The following CHRNA6 variants were observed in gnomAD, a reference collection of about 807,000 sequenced individuals.
CHRNA6 encodes neuronal acetylcholine receptor subunit alpha-6.
A neutral mutation model predicts 40.9 loss-of-function variants in CHRNA6; 31 were observed. The observed-to-expected ratio is 0.76, with a 90% CI of 0.57 to 1.02. The LOEUF is 1.02. CHRNA6 is among the 50% of genes least tolerant of loss of function. The probability of loss-of-function intolerance (pLI) is 0.00; values close to 1 mark genes in which losing one functional copy is unlikely to be tolerated. For missense variants in CHRNA6, 546 were observed against 596.6 expected (o/e 0.92, Z 0.88); for synonymous variants, 222 against 221.3 (o/e 1.00, Z -0.03).
chr8:42,761,930 C>A (rs1284168152), intron 2 of CHRNA6, among the ~76,000 whole-genome samples: 1 of 152,234 alleles, frequency 6.6e-6, no homozygotes, highest in Non-Finnish European at 1.5e-5. Flanking sequence ...TACACCAAGG[C>A]TTTATCTTTG....
rs1258301917 is a variant in CHRNA6, at chr8:42,766,232, C to T, written c.80-1028G>A. On this transcript the variant is annotated intron_variant, in intron 1 of 5. Transcript: ENST00000276410. ...TATAAGCCAGGTGCGGTGGCTCACG[C>T]CTGTAATCTCAGCACTTTGGAAGGC... Among the ~76,000 whole-genome samples, 4 of 152,174 alleles carry T rather than the reference C, an allele frequency of 2.6e-5. No individual in the cohort carries two copies. In the East Asian group the frequency reaches 7.7e-4, roughly 29 times the overall value.
At chr8:42,754,792 A>G (rs1435266333) in intron 5 of CHRNA6, among the ~76,000 whole-genome samples, 1 of 152,170 alleles carries the variant, frequency 6.6e-6, no homozygotes. Context: ...ATGCTGCTAT[A>G]GTTAGACTCT....
rs146195890 is a variant in CHRNA6, at chr8:42,759,677, C to T, written c.220-564G>A. Reference sequence around the variant, plus strand: ...TTCTGGGAGGCCGAGGCGGGTGGATCACCTGAGGTTAGGAGTTCGAGACCA... The same window carrying T: ...TTCTGGGAGGCCGAGGCGGGTGGATTACCTGAGGTTAGGAGTTCGAGACCA... On this transcript the variant is annotated intron_variant, in intron 2 of 5. Coordinates refer to ENST00000276410, the MANE Select transcript of CHRNA6 (RefSeq NM_004198.3). 9.5e-3 allele frequency among the ~76,000 whole-genome samples: 1,439 copies of T among 152,116 alleles called. 32 individuals carry two copies. Among genetic ancestry groups the T allele is most frequent in the African/African-American group, 0.033 (1,353 of 41,478 alleles).
chr8:42,765,149 G>A lies in CHRNA6; in HGVS notation c.135C>T (p.Tyr45=). 6.2e-7 allele frequency: 1 copy of A among 1,614,032 alleles called. No homozygotes were observed. Among genetic ancestry groups the A allele is most frequent in the South Asian group, 1.1e-5 (1 of 91,080 alleles). The change falls in exon 2 of 6, where the codon TAC becomes TAT. Residue 45 remains tyrosine (Y), a synonymous_variant. Coordinates refer to ENST00000276410, the MANE Select transcript of CHRNA6 (RefSeq NM_004198.3). The part of the protein sequence containing the change: ...ERLFHKLFSH[Y]NQFIRPVENV... Reference sequence around the variant, plus strand: ...TTTCCACAGGCCTGATGAACTGGTTGTAATGAGAAAACAGTTTGTGGAAGA... The same window carrying A: ...TTTCCACAGGCCTGATGAACTGGTTATAATGAGAAAACAGTTTGTGGAAGA...
chr8:42,756,796 T>G lies in CHRNA6; in HGVS notation c.403A>C (p.Lys135Gln). ...TTGTATTTAAGAAGAGCTTTTGTTT[T>G]GCCTTCTACTTGGAAGTCACCAACA... ...NAVGDFQVEGKTKALLKYNGM... is the reference protein window; with the variant it reads ...NAVGDFQVEGQTKALLKYNGM... The change falls in exon 5 of 6, where the codon AAA (lysine) becomes CAA (glutamine). Residue 135 changes from lysine (K) to glutamine (Q), a missense_variant. By Grantham distance (53) the Lys-to-Gln change is moderately conservative. This residue lies in a region of CHRNA6 where 476 missense variants were observed against 494.5 expected (regional missense o/e 0.96). Coordinates refer to ENST00000276410, the MANE Select transcript of CHRNA6 (RefSeq NM_004198.3). 6.2e-7 allele frequency: 1 copy of G among 1,607,468 alleles called. No homozygotes were observed. The highest frequency in any genetic ancestry group is 8.5e-7 in the Non-Finnish European group (1 of 1,178,262).
chr8:42,765,293 G>A, intron 1 of CHRNA6, 89 bp from the exon 2 acceptor site: 3 of 1,434,812 alleles, frequency 2.1e-6, no homozygotes, highest in Non-Finnish European at 2.9e-6. Context: ...GGCCCTGTGG[G>A]GAGCGAATGT....
intron 1 of CHRNA6, among the ~76,000 whole-genome samples, chr8:42,765,934 T>A (rs1380600040): frequency 1.3e-5 from 2 of 152,210 alleles, no homozygotes; most frequent in Non-Finnish European, 2.9e-5. Flanking sequence ...CTGGAGAGAC[T>A]ATGGAGAAAT....
intron 5 of CHRNA6, among the ~76,000 whole-genome samples, chr8:42,754,791 T>C (rs1443553895): frequency 6.6e-6 from 1 of 152,146 alleles, no homozygotes; most frequent in African/African-American, 2.4e-5. Context: ...CATGCTGCTA[T>C]AGTTAGACTC....
chr8:42,760,777 G>A (rs1331541926), intron 2 of CHRNA6, among the ~76,000 whole-genome samples: 2 of 152,212 alleles, frequency 1.3e-5, no homozygotes, highest in African/African-American at 4.8e-5. Context: ...AGACAGTCAG[G>A]GCTGTGTGGA....
chr8:42,755,736 G>A (rs977139528), intron 5 of CHRNA6, 110 bp downstream of exon 5: 17 of 1,283,210 alleles, frequency 1.3e-5, no homozygotes, highest in Admixed American at 4.3e-5. Context: ...GAGCAAGGCC[G>A]CCTGACCCTC....
rs778650621 is a variant in CHRNA6 at position 42,753,206 on chromosome 8, TG to T, written c.1457del (p.Pro486HisfsTer83). The T allele has an allele frequency of 6.2e-7, 1 of 1,609,030 alleles. No homozygotes were observed. Among genetic ancestry groups the T allele is most frequent in the African/African-American group, 1.3e-5 (1 of 74,624 alleles). ...AAGATTTTCCTGTGTTCCCAAGTAG[TG>T]GCTGTAGAAATAGCCCTGCAGTTCC... ...VFGTAGLFLQ[P>X]LLGNTGKS is the part of the protein sequence containing the mutation. On this transcript the variant is annotated frameshift_variant, in exon 6 of 6. Transcript: ENST00000276410. LOFTEE classifies it high-confidence loss of function.
At position 42,768,421 on chromosome 8, in the gene CHRNA6, T is replaced by C. The variant is rs1292521572; in HGVS notation, c.10A>G (p.Ser4Gly). The change falls in exon 1 of 6, where the codon AGC (serine) becomes GGC (glycine). Residue 4 changes from serine to glycine, a missense_variant. This residue lies in a region of CHRNA6 where 476 missense variants were observed against 494.5 expected (regional missense o/e 0.96). Coordinates refer to ENST00000276410, the MANE Select transcript of CHRNA6 (RefSeq NM_004198.3). ...CCATGAAGGAATCCCTGCCCCTTGC[T>C]GGTCAGCATGGTTAAAACACACTTG... is the stretch of plus-strand genomic sequence containing the variant. The part of the protein sequence containing the change: MLT[S>G]KGQGFLHGGL... 1 of 1,613,638 alleles carries C rather than the reference T, an allele frequency of 6.2e-7. No homozygotes were observed. The highest frequency in any genetic ancestry group is 8.5e-7 in the Non-Finnish European group (1 of 1,179,638).
Position 42,766,446 on chromosome 8 carries a change from C to T in CHRNA6, c.80-1242G>A, listed in dbSNP as rs544434454. Among the ~76,000 whole-genome samples, 185 of 150,856 alleles carry T rather than the reference C, an allele frequency of 1.2e-3. 5 individuals are homozygous for T. The South Asian group carries it at 0.037, about 30-fold the overall frequency. On this transcript the variant is annotated intron_variant, in intron 1 of 5. Coordinates refer to ENST00000276410, the MANE Select transcript of CHRNA6 (RefSeq NM_004198.3). ...GGCGGAGCTTGCAGTGAGCCAACATCGTGCCACTGCACTCCAGCCTGGGCG... is the reference window on the plus strand; with the variant it reads ...GGCGGAGCTTGCAGTGAGCCAACATTGTGCCACTGCACTCCAGCCTGGGCG...
rs1186664338 is a variant in CHRNA6 at position 42,756,975 on chromosome 8, G to T, written c.327C>A (p.Arg109=). The T allele has an allele frequency of 1.2e-6, 2 of 1,613,858 alleles. No individual in the cohort carries two copies. Among genetic ancestry groups the T allele is most frequent in the South Asian group, 1.1e-5 (1 of 91,078 alleles). Residue 109 remains arginine, a synonymous_variant, in exon 4 of 6, where the codon CGC becomes CGA. Coordinates refer to ENST00000276410, the MANE Select transcript of CHRNA6 (RefSeq NM_004198.3). Reference sequence around the variant, plus strand: ...GCTTCCAAATCTTATCTGCAGGAACGCGAAGAGTCTCAATGCCATCATATT... The same window carrying T: ...GCTTCCAAATCTTATCTGCAGGAACTCGAAGAGTCTCAATGCCATCATATT... ...PMEYDGIETL[R]VPADKIWKPD...
At position 42,756,497 on chromosome 8, in the gene CHRNA6, G is replaced by A. The variant is rs1470131234; in HGVS notation, c.702C>T (p.Phe234=). 1 of 1,614,084 alleles carries A rather than the reference G, an allele frequency of 6.2e-7. No individual in the cohort carries two copies. The change falls in exon 5 of 6, where the codon TTC becomes TTT. Residue 234 remains phenylalanine (F), a synonymous_variant. Coordinates refer to ENST00000276410, the MANE Select transcript of CHRNA6 (RefSeq NM_004198.3). ...EEIYTDITYS[F]YIRRLPMFYT... ...AAAACATCGGCAATCTTCTAATGTA[G>A]AAAGAATAGGTTATATCTGTGTATA...
At chr8:42,764,319 C>T (rs1166361949) in intron 2 of CHRNA6, among the ~76,000 whole-genome samples, 1 of 151,944 alleles carries the variant, frequency 6.6e-6, no homozygotes, top group Non-Finnish European at 1.5e-5. Context: ...TTTTCATTCT[C>T]ACATAACATA....
chr8:42,764,948 C>T (rs1816952259), intron 2 of CHRNA6, 117 bp downstream of exon 2: 4 of 1,152,040 alleles, frequency 3.5e-6, no homozygotes, highest in East Asian at 2.5e-5. Context: ...AAATGGATGG[C>T]TTTGAAGGGC....
At chr8:42,754,956 C>T (rs945676190) in intron 5 of CHRNA6, among the ~76,000 whole-genome samples, 3 of 152,048 alleles carry the variant, frequency 2.0e-5, no homozygotes, top group Non-Finnish European at 4.4e-5. Flanking sequence ...CCAGGCTGCA[C>T]GCTGCTCCGA....
At chr8:42,759,393 C>T (rs987858532) in intron 2 of CHRNA6, 1 of 355,384 alleles carries the variant, frequency 2.8e-6, no homozygotes, top group African/African-American at 2.0e-5. Context: ...TCTCTGCAGC[C>T]CATAAAGGTT....
Sources: allele counts gnomAD v4.1 joint callset (sites outside exome capture counted in the v4.1 genomes callset), GRCh38; gene constraint gnomAD v4.1.1; regional missense constraint gnomAD v4.1.1; transcripts MANE v1.5; gene names NCBI Gene and HGNC (gene_info 2026-07-23, HGNC 2026-07-21).